The following SRGAP1 variants were observed in gnomAD, a reference collection of about 807,000 sequenced individuals.
SRGAP1 encodes the protein SLIT-ROBO Rho GTPase activating protein 1.
SRGAP1 carries 43 observed loss-of-function variants against 121.9 expected under a neutral mutation model. The ratio of observed to expected loss-of-function variants is 0.35; its 90% CI spans 0.28 to 0.46. SRGAP1 has a LOEUF of 0.46. SRGAP1 is among the 20% of genes least tolerant of loss of function. The pLI is 1.00. For missense variants in SRGAP1, 1,102 were observed against 1,350.9 expected, an observed-to-expected ratio of 0.82 and a Z score of 2.89; for synonymous variants, 447 against 485.4, an observed-to-expected ratio of 0.92 and a Z score of 1.04.
At chr12:64,039,628 C>CGCGTGTGTGTGTGTGTGTGTGTGTGT (rs2034970790) in intron 4 of SRGAP1, among the ~76,000 whole-genome samples, 1 of 130,782 alleles carries the variant, frequency 7.6e-6, no homozygotes, top group Admixed American at 7.8e-5. Context: ...AGCTGAGCAA[C>CGCGTGTGTGTGTGTGTGTGTGTGTGT]GTGTGTGTGT....
intron 7 of SRGAP1, among the ~76,000 whole-genome samples, chr12:64,063,959 C>T (rs545180317): frequency 6.6e-6 from 1 of 151,322 alleles, no homozygotes; most frequent in South Asian, 2.1e-4. Flanking sequence ...TATATATATA[C>T]ACATATAATG....
At chr12:64,085,495 A>G (rs919416976) in intron 10 of SRGAP1, among the ~76,000 whole-genome samples, 1 of 152,082 alleles carries the variant, frequency 6.6e-6, no homozygotes, top group Non-Finnish European at 1.5e-5. Flanking sequence ...TATGGACCCA[A>G]CACAACCTAA....
At chr12:63,954,467 A>G (rs1592978755) in intron 1 of SRGAP1, among the ~76,000 whole-genome samples, 1 of 152,210 alleles carries the variant, frequency 6.6e-6, no homozygotes, top group South Asian at 2.1e-4. Context: ...TCACGAGGTC[A>G]GGAGATCGAG....
At chr12:64,033,029 A>C (rs1385310671) in intron 4 of SRGAP1, among the ~76,000 whole-genome samples, 2 of 152,176 alleles carry the variant, frequency 1.3e-5, no homozygotes, top group African/African-American at 4.8e-5. Context: ...AAAAGAAAAA[A>C]AATGCCGCTC....
chr12:63,873,079 A>G (rs147760511), intron 1 of SRGAP1, among the ~76,000 whole-genome samples: 10 of 152,338 alleles, frequency 6.6e-5, no homozygotes, highest in Non-Finnish European at 1.5e-4. Flanking sequence ...GTAGTAAAAG[A>G]TAAGAATAGA....
chr12:64,047,783 T>C (rs2035163279), intron 6 of SRGAP1, among the ~76,000 whole-genome samples: 1 of 152,156 alleles, frequency 6.6e-6, no homozygotes, highest in African/African-American at 2.4e-5. Flanking sequence ...AGTACATGTG[T>C]ATTGTAAAAA....
At chr12:64,026,052 A>C (rs1240197652) in intron 4 of SRGAP1, among the ~76,000 whole-genome samples, 2 of 152,164 alleles carry the variant, frequency 1.3e-5, no homozygotes, top group African/African-American at 4.8e-5. Flanking sequence ...AGTTATGATT[A>C]ATGTTTATAT....
chr12:63,924,764 C>G (rs1023186686), intron 1 of SRGAP1, among the ~76,000 whole-genome samples: 5 of 152,112 alleles, frequency 3.3e-5, no homozygotes, highest in Non-Finnish European at 7.3e-5. Flanking sequence ...TACTTTGTGG[C>G]TTGCTCCTTG....
At chr12:64,120,414 A>G (rs1276954894) in intron 18 of SRGAP1, 1 of 152,162 alleles carries the variant, frequency 6.6e-6, no homozygotes, top group Non-Finnish European at 1.5e-5. Flanking sequence ...AGGTAGTGCA[A>G]ATTTAAACTG....
At chr12:63,930,642 A>C (rs773992341) in intron 1 of SRGAP1, among the ~76,000 whole-genome samples, 1 of 152,170 alleles carries the variant, frequency 6.6e-6, no homozygotes, top group African/African-American at 2.4e-5. Flanking sequence ...AGGTTACATC[A>C]ATTTCTTTTC....
intron 4 of SRGAP1, among the ~76,000 whole-genome samples, chr12:64,034,069 T>C (rs1227658554): frequency 1.3e-5 from 2 of 152,156 alleles, no homozygotes; most frequent in Admixed American, 1.3e-4. Context: ...ATTCTTAACA[T>C]ATTCACTGAT....
chr12:63,844,938 T>C lies in SRGAP1; in HGVS notation c.67+55T>C. On this transcript the variant is annotated intron_variant, in intron 1 of 21. Coordinates refer to ENST00000355086, the MANE Select transcript of SRGAP1 (RefSeq NM_020762.4). The surrounding 1 kb of genome is among the most constrained non-coding windows in gnomAD (Gnocchi z 4.3). ...TTTGTGTGCCTTCTTGTCATTGTGC[T>C]CGTGGAGTTGCGTATCTAACTTGGT... 1 of 1,545,146 alleles carries C rather than the reference T, an allele frequency of 6.5e-7. No homozygotes were observed. Among genetic ancestry groups the C allele is most frequent in the South Asian group, 1.1e-5 (1 of 89,684 alleles).
At chr12:63,846,249 T>C (rs933717862) in intron 1 of SRGAP1, among the ~76,000 whole-genome samples, 1 of 152,184 alleles carries the variant, frequency 6.6e-6, no homozygotes, top group African/African-American at 2.4e-5. Flanking sequence ...AGATAAGTAA[T>C]TATTTTCTTA....
chr12:64,147,265 A>G lies in SRGAP1; in HGVS notation c.*4593A>G, dbSNP rs1161262539. ...CTTGTGACTGTTACCTAATTGTGTC[A>G]ATGTACATCTGTAGTATGTACATGT... On this transcript the variant is annotated 3_prime_UTR_variant, in exon 22 of 22. Coordinates refer to ENST00000355086, the MANE Select transcript of SRGAP1 (RefSeq NM_020762.4). The G allele has an allele frequency of 2.6e-6, 1 of 386,832 alleles. No homozygotes were observed. Among genetic ancestry groups the G allele is most frequent in the Non-Finnish European group, 4.6e-6 (1 of 219,088 alleles). 24.0% of individuals were successfully genotyped at this position (386,832 alleles called of 1,614,324 possible). A position where few individuals can be genotyped will look rare whatever the true frequency, so the allele number is the denominator to read the frequency against.
At position 64,104,000 on chromosome 12, in the gene SRGAP1, C is replaced by T. The variant is rs1592325263; in HGVS notation, c.1814-4932C>T. ...ATGTGTGTACCCACTGTTAAATAAACGGTTTCTAAATGTGGCTGCCAAGGA... is the reference window on the plus strand; with the variant it reads ...ATGTGTGTACCCACTGTTAAATAAATGGTTTCTAAATGTGGCTGCCAAGGA... On this transcript the variant is annotated intron_variant, in intron 15 of 21. Transcript: ENST00000355086. 1.3e-5 allele frequency among the ~76,000 whole-genome samples: 2 copies of T among 152,268 alleles called. 1 individual carries two copies.
intron 8 of SRGAP1, among the ~76,000 whole-genome samples, chr12:64,070,182 T>G (rs2035614482): frequency 6.6e-6 from 1 of 152,360 alleles, no homozygotes; most frequent in South Asian, 2.1e-4. Flanking sequence ...AACCTTGTTG[T>G]GGGGATTTCT....
intron 17 of SRGAP1, among the ~76,000 whole-genome samples, chr12:64,113,562 T>A (rs1489799571): frequency 6.6e-6 from 1 of 152,208 alleles, no homozygotes; most frequent in Non-Finnish European, 1.5e-5. Flanking sequence ...ATATCCCAGT[T>A]ACCCAGATTT....
At chr12:64,047,909 C>A (rs1290649653) in intron 6 of SRGAP1, among the ~76,000 whole-genome samples, 1 of 152,072 alleles carries the variant, frequency 6.6e-6, no homozygotes, top group African/African-American at 2.4e-5. Context: ...AACAGGCATA[C>A]AATGCATAAT....
At chr12:64,074,924 A>G (rs983377873) in intron 8 of SRGAP1, among the ~76,000 whole-genome samples, 2 of 152,230 alleles carry the variant, frequency 1.3e-5, no homozygotes, top group African/African-American at 4.8e-5. Context: ...TAGAAATACT[A>G]TATTTTTCTC....
Sources: allele counts gnomAD v4.1 joint callset (sites outside exome capture counted in the v4.1 genomes callset), GRCh38; gene constraint gnomAD v4.1.1; non-coding constraint Gnocchi (gnomAD v3.1); transcripts MANE v1.5; gene names NCBI Gene and HGNC (gene_info 2026-07-23, HGNC 2026-07-21).